KIAA1210: variants seen among roughly 807,000 people sequenced by gnomAD.
The protein encoded by KIAA1210 is acrosomal protein KIAA1210.
KIAA1210 carries 48 observed loss-of-function variants against 78.9 expected under a neutral mutation model. The observed-to-expected ratio is 0.61, with a 90% CI of 0.48 to 0.77. The LOEUF (loss-of-function observed/expected upper bound fraction) is 0.77. KIAA1210 is among the 30% of genes least tolerant of loss of function. KIAA1210 has a pLI of 0.00. For missense variants in KIAA1210, 1,108 were observed against 1,100.0 expected (o/e 1.01, Z -0.10); for synonymous variants, 406 against 404.5 (o/e 1.00, Z -0.04).
chrX:119,123,271 T>C (rs972977246), intron 2 of KIAA1210, among the ~76,000 whole-genome samples: 4 of 112,228 alleles, frequency 3.6e-5, no homozygotes, highest in Admixed American at 2.8e-4. Flanking sequence ...TGAATTACTA[T>C]CTACAGCAAA....
chrX:119,108,811 T>C (rs1234219404), intron 4 of KIAA1210, among the ~76,000 whole-genome samples: 1 of 104,261 alleles, frequency 9.6e-6, no homozygotes, highest in African/African-American at 3.6e-5. Context: ...GCCACTGCAC[T>C]CCAGCCTAGG....
rs375899714 is a variant in KIAA1210 at position 119,116,482 on chromosome X, G to T, written c.230+14C>A. ...TCCCCTGTCCCCATCACTCTCCACC[G>T]CATCTGAGCTCACCTGGCCTTAGTT... On this transcript the variant is annotated intron_variant, in intron 3 of 11. Transcript: ENST00000691062. 1 of 1,205,958 alleles carries T rather than the reference G, an allele frequency of 8.3e-7. No individual in the cohort carries two copies. The highest frequency in any genetic ancestry group is 1.1e-6 in the Non-Finnish European group (1 of 892,164).
chrX:119,081,865 T>G (rs1234885478), intron 11 of KIAA1210, among the ~76,000 whole-genome samples: 1 of 112,705 alleles, frequency 8.9e-6, no homozygotes, highest in Non-Finnish European at 1.9e-5. Flanking sequence ...CTACTTAGTT[T>G]CTAAAATTTC....
chrX:119,138,934 T>G (rs1008086403), intron 2 of KIAA1210, among the ~76,000 whole-genome samples: 1 of 111,908 alleles, frequency 8.9e-6, no homozygotes, highest in African/African-American at 3.3e-5. Context: ...CACTTGAGCA[T>G]GAGAGAAAAG....
intron 11 of KIAA1210, among the ~76,000 whole-genome samples, chrX:119,082,618 G>A (rs1366815785): frequency 2.7e-5 from 3 of 112,164 alleles, no homozygotes; most frequent in African/African-American, 6.5e-5. Context: ...ATACCATTGG[G>A]CCTTTAGAGT....
At chrX:119,107,873 A>G (rs1927939777) in intron 5 of KIAA1210, among the ~76,000 whole-genome samples, 1 of 111,892 alleles carries the variant, frequency 8.9e-6, no homozygotes. Flanking sequence ...CCCCTGAAGC[A>G]TTTCTGGATC....
In KIAA1210 at chrX:119,086,824, T is replaced by G. The variant is rs754906074; in HGVS notation, c.3878A>C (p.Gln1293Pro). The stretch of plus-strand genomic sequence containing the variant: ...TCCAAAAAGCTTTTCAACATCATCC[T>G]GATTGGATAGGTTTGCATGCTGGTT... Reference protein sequence around the residue: ...NNNQHANLSNQDDVEKLFGVR... With the variant: ...NNNQHANLSNPDDVEKLFGVR... The change falls in exon 9 of 12, where the codon CAG (glutamine) becomes CCG (proline). Residue 1293 changes from glutamine to proline, a missense_variant. Gln to Pro is a moderately conservative substitution (Grantham distance 76, BLOSUM62 -1). This residue lies in a region of KIAA1210 where 245 missense variants were observed against 278.8 expected (regional missense o/e 0.88). Coordinates refer to ENST00000691062, the MANE Select transcript of KIAA1210 (RefSeq NM_001394962.1). 8 of 1,209,695 alleles carry G rather than the reference T, an allele frequency of 6.6e-6. No homozygotes were observed. The highest frequency in any genetic ancestry group is 7.8e-6 in the Non-Finnish European group (7 of 895,158).
chrX:119,132,291 A>AT (rs1195327405), upstream of KIAA1210, among the ~76,000 whole-genome samples: 11 of 111,216 alleles, frequency 9.9e-5, no homozygotes, highest in South Asian at 3.8e-4. Context: ...ATAAGACAGT[A>AT]TTTTTTTTGT....
intron 10 of KIAA1210, 107 bp from the exon 11 acceptor site, chrX:119,083,227 G>A (rs1927023269): frequency 2.2e-6 from 1 of 449,290 alleles, no homozygotes; most frequent in Non-Finnish European, 3.6e-6. Context: ...GGTACTATGA[G>A]TTTAACAGTA....
chrX:119,123,715 A>G, intron 1 of KIAA1210, 63 bp from the exon 2 acceptor site: 1 of 718,151 alleles, frequency 1.4e-6, no homozygotes, highest in East Asian at 3.5e-5. Flanking sequence ...GCGTAATGCA[A>G]TCCTTTCACC....
chrX:119,081,248 CAG>C lies in KIAA1210; in HGVS notation c.*79_*80del. 1 of 829,636 alleles carries C rather than the reference CAG, an allele frequency of 1.2e-6. No individual in the cohort carries two copies. Among genetic ancestry groups the C allele is most frequent in the Non-Finnish European group, 1.6e-6 (1 of 637,514 alleles). 68.4% of individuals were successfully genotyped at this position (829,636 alleles called of 1,213,427 possible). A position where few individuals can be genotyped will look rare whatever the true frequency, so the allele number is the denominator to read the frequency against. On this transcript the variant is annotated 3_prime_UTR_variant, in exon 12 of 12. Coordinates refer to ENST00000691062, the MANE Select transcript of KIAA1210 (RefSeq NM_001394962.1). ...CGCCACTGCACTCCAATCTGGGTAA[CAG>C]AGCGAGACTCTGTCTCAAAAAAAAA...
chrX:119,114,596 C>G (rs1569319218), intron 3 of KIAA1210, among the ~76,000 whole-genome samples: 1 of 112,377 alleles, frequency 8.9e-6, no homozygotes, highest in Non-Finnish European at 1.9e-5. Flanking sequence ...AGGTTCAGAA[C>G]CAGTGTAGCA....
chrX:119,091,271 G>A (rs1456304078), intron 8 of KIAA1210, among the ~76,000 whole-genome samples: 1 of 111,946 alleles, frequency 8.9e-6, no homozygotes, highest in Non-Finnish European at 1.9e-5. Context: ...CTTATACACC[G>A]CTGCTGGGAA....
At chrX:119,115,191 A>C (rs2147186399) in intron 3 of KIAA1210, among the ~76,000 whole-genome samples, 1 of 111,034 alleles carries the variant, frequency 9.0e-6, no homozygotes, top group Non-Finnish European at 1.9e-5. Context: ...AGGCCCCCTA[A>C]GTTATATTAT....
chrX:119,092,658 G>A (rs1201033287), intron 8 of KIAA1210, among the ~76,000 whole-genome samples: 1 of 109,684 alleles, frequency 9.1e-6, no homozygotes, highest in African/African-American at 3.3e-5. Context: ...CTACTAGGGA[G>A]GCTGAGGCAG....
intron 7 of KIAA1210, among the ~76,000 whole-genome samples, chrX:119,096,176 C>A (rs1182148371): frequency 8.9e-6 from 1 of 112,693 alleles, no homozygotes; most frequent in East Asian, 2.8e-4. Context: ...GTTGAATATT[C>A]TCTACAAATA....
chrX:119,082,120 C>T (rs891870929), intron 11 of KIAA1210, among the ~76,000 whole-genome samples: 4 of 111,902 alleles, frequency 3.6e-5, no homozygotes, highest in Admixed American at 9.5e-5. Flanking sequence ...ACATTAGAAT[C>T]ACCTAGGGCT....
At chrX:119,143,691 T>C (rs1388563591) in intron 2 of KIAA1210, among the ~76,000 whole-genome samples, 1 of 111,984 alleles carries the variant, frequency 8.9e-6, no homozygotes, top group Non-Finnish European at 1.9e-5. Flanking sequence ...AGAACAGAAA[T>C]GGGATCATGA....
Position 119,087,424 on chromosome X carries a change from T to C in KIAA1210, c.3278A>G (p.Glu1093Gly). The C allele has an allele frequency of 8.3e-7, 1 of 1,210,940 alleles. No individual in the cohort carries two copies. The highest frequency in any genetic ancestry group is 1.1e-6 in the Non-Finnish European group (1 of 895,062). ...KHPLQSLGRP[E>G]DPQKVFSYSE... is the part of the protein sequence containing the mutation. The stretch of plus-strand genomic sequence containing the variant: ...ATAAGAGAAAACTTTCTGTGGGTCT[T>C]CAGGCCTCCCCAAGGACTGTAAAGG... The change falls in exon 9 of 12, where the codon GAA becomes GGA. Residue 1093 changes from glutamate to glycine, a missense_variant. Around this residue, in one of 5 missense-constraint regions of KIAA1210, gnomAD observed 179 missense variants for 174.1 expected, o/e 1.03. Coordinates refer to ENST00000691062, the MANE Select transcript of KIAA1210 (RefSeq NM_001394962.1).
Sources: allele counts gnomAD v4.1 joint callset (sites outside exome capture counted in the v4.1 genomes callset), GRCh38; gene constraint gnomAD v4.1.1; regional missense constraint gnomAD v4.1.1; transcripts MANE v1.5; gene names NCBI Gene and HGNC (gene_info 2026-07-23, HGNC 2026-07-21).